Variants in CDH7 observed in about 807,000 individuals in gnomAD.
CDH7 encodes the protein cadherin 7.
CDH7 carries 25 observed loss-of-function variants against 71.8 expected under a neutral mutation model. That is an observed-to-expected ratio of 0.35 (90% CI 0.25 to 0.49). The LOEUF is 0.49. Among genes scored for constraint, CDH7 ranks in the 20% least tolerant of loss-of-function variants. CDH7 has a pLI of 0.99. For missense variants in CDH7, 862 were observed against 974.6 expected (o/e 0.88, Z 1.54); for synonymous variants, 381 against 363.8 (o/e 1.05, Z -0.54).
chr18:65,825,316 C>A (rs1912087932), intron 6 of CDH7, among the ~76,000 whole-genome samples: 1 of 151,810 alleles, frequency 6.6e-6, no homozygotes, highest in African/African-American at 2.4e-5. Context: ...GGAAGACTTG[C>A]ATATTTCGTA....
chr18:65,855,026 G>C (rs1913302829), intron 7 of CDH7, among the ~76,000 whole-genome samples: 1 of 151,684 alleles, frequency 6.6e-6, no homozygotes, highest in East Asian at 1.9e-4. Flanking sequence ...CACGGTAAAT[G>C]CAGCTATGAA....
At chr18:65,800,063 C>T (rs943811692) in intron 2 of CDH7, among the ~76,000 whole-genome samples, 1 of 152,020 alleles carries the variant, frequency 6.6e-6, no homozygotes, top group Non-Finnish European at 1.5e-5. Context: ...TGTAACAACT[C>T]TAGAAGACAT....
intron 6 of CDH7, among the ~76,000 whole-genome samples, chr18:65,826,333 T>G (rs1912130773): frequency 1.3e-5 from 2 of 151,136 alleles, no homozygotes. Flanking sequence ...CTTAAAGGCT[T>G]TATTTTATTT....
intron 1 of CDH7, among the ~76,000 whole-genome samples, chr18:65,761,283 CAT>C (rs1055370688): frequency 2.0e-5 from 3 of 152,004 alleles, no homozygotes; most frequent in African/African-American, 7.3e-5. Context: ...TTTTTCTAGT[CAT>C]GTGAACGATT....
At chr18:65,862,975 G>T in intron 11 of CDH7, 58 bp downstream of exon 11, 1 of 1,554,186 alleles carries the variant, frequency 6.4e-7, no homozygotes, top group South Asian at 1.1e-5. Context: ...CACATGTCAC[G>T]ACTTGCCTAT....
At chr18:65,752,783 G>C (rs1470800310) in intron 1 of CDH7, among the ~76,000 whole-genome samples, 1 of 152,132 alleles carries the variant, frequency 6.6e-6, no homozygotes, top group Non-Finnish European at 1.5e-5. Context: ...TCTGTCTGAG[G>C]AAAGAAAAAT....
chr18:65,775,539 A>G (rs1327453523), intron 2 of CDH7, among the ~76,000 whole-genome samples: 2 of 152,220 alleles, frequency 1.3e-5, no homozygotes, highest in Non-Finnish European at 2.9e-5. Flanking sequence ...CATATTTTTA[A>G]AACAACCTAA....
chr18:65,809,982 C>G lies in CDH7; in HGVS notation c.489C>G (p.Pro163=), dbSNP rs7235166. Reference sequence around the variant, plus strand: ...ATGGCCCATACACGGCAGGAGTTCCCGAAATGTCTCCCGTGGGTAAGTAAA... The same window carrying G: ...ATGGCCCATACACGGCAGGAGTTCCGGAAATGTCTCCCGTGGGTAAGTAAA... ...FLDGPYTAGV[P]EMSPVGTSVV... The change falls in exon 3 of 12, where the codon CCC becomes CCG. Residue 163 remains proline (P), a synonymous_variant. Coordinates refer to ENST00000397968, the MANE Select transcript of CDH7 (RefSeq NM_004361.5). 4.8e-3 allele frequency: 7,706 copies of G among 1,609,634 alleles called. 325 individuals are homozygous for G. In the African/African-American group the frequency reaches 0.091, roughly 19 times the overall value.
intron 6 of CDH7, among the ~76,000 whole-genome samples, chr18:65,830,586 C>G (rs941614215): frequency 6.7e-5 from 9 of 134,060 alleles, no homozygotes; most frequent in African/African-American, 2.4e-4. Flanking sequence ...CCTTCCCTCT[C>G]TCCTTCCCTC....
chr18:65,784,061 C>T (rs1214723545), intron 2 of CDH7, among the ~76,000 whole-genome samples: 1 of 151,586 alleles, frequency 6.6e-6, no homozygotes, highest in Non-Finnish European at 1.5e-5. Context: ...TAGGGATGCT[C>T]CCTCCTCAGC....
At chr18:65,770,570 A>C (rs2143805825) in intron 2 of CDH7, among the ~76,000 whole-genome samples, 1 of 152,304 alleles carries the variant, frequency 6.6e-6, no homozygotes, top group African/African-American at 2.4e-5. Flanking sequence ...ATTCTTGTTT[A>C]AAACTTATAT....
At chr18:65,810,704 A>AC (rs971611049) in intron 3 of CDH7, among the ~76,000 whole-genome samples, 13 of 151,660 alleles carry the variant, frequency 8.6e-5, no homozygotes, top group East Asian at 3.9e-4. Flanking sequence ...TCTTCCTCCT[A>AC]CCCCCAACCC....
chr18:65,764,973 G>A (rs991873751), intron 2 of CDH7, among the ~76,000 whole-genome samples: 1 of 151,986 alleles, frequency 6.6e-6, no homozygotes, highest in African/African-American at 2.4e-5. Context: ...TTGGGCAAAG[G>A]TGTTATTTTT....
chr18:65,825,260 A>C (rs1912085389), intron 6 of CDH7, among the ~76,000 whole-genome samples: 1 of 151,902 alleles, frequency 6.6e-6, no homozygotes, highest in African/African-American at 2.4e-5. Flanking sequence ...AAATGTTGAA[A>C]ACTTGCTACA....
chr18:65,843,511 G>GA (rs1568215102), intron 6 of CDH7, among the ~76,000 whole-genome samples: 2 of 151,872 alleles, frequency 1.3e-5, no homozygotes, highest in Non-Finnish European at 2.9e-5. Flanking sequence ...GTCCCTGTTG[G>GA]AAAAAAAATA....
intron 2 of CDH7, among the ~76,000 whole-genome samples, chr18:65,776,624 CCTT>C (rs943516551): frequency 5.8e-4 from 89 of 152,252 alleles, no homozygotes; most frequent in African/African-American, 1.8e-3. Flanking sequence ...CACTCTCTCT[CCTT>C]CTTTCTCTCT....
At chr18:65,870,139 G>T (rs1005623465) in intron 11 of CDH7, among the ~76,000 whole-genome samples, 4 of 152,148 alleles carry the variant, frequency 2.6e-5, no homozygotes, top group African/African-American at 9.7e-5. Context: ...AGATGTCAGA[G>T]ATATTTTATT....
At chr18:65,872,163 A>G (rs375951357) in intron 11 of CDH7, among the ~76,000 whole-genome samples, 10 of 152,296 alleles carry the variant, frequency 6.6e-5, no homozygotes, top group African/African-American at 2.4e-4. Flanking sequence ...TAGCGGACCC[A>G]CACAATTTCC....
intron 5 of CDH7, among the ~76,000 whole-genome samples, chr18:65,823,941 G>A (rs1912031926): frequency 6.6e-6 from 1 of 151,756 alleles, no homozygotes; most frequent in African/African-American, 2.4e-5. Flanking sequence ...TTCTTCATCT[G>A]CCCCCAAACT....
Sources: gnomAD v4.1 joint callset for allele counts (sites outside exome capture counted in the v4.1 genomes callset) on GRCh38, gnomAD v4.1.1 for gene constraint, MANE v1.5 for transcripts, NCBI Gene and HGNC (gene_info 2026-07-23, HGNC 2026-07-21) for gene names.